NEIL3: variants seen among roughly 807,000 people sequenced by gnomAD.
NEIL3 encodes nei like DNA glycosylase 3.
Under a neutral mutation model 57.5 loss-of-function variants are expected in NEIL3, and 48 were observed. That is an observed-to-expected ratio of 0.83 (90% CI 0.66 to 1.06). NEIL3 has a LOEUF of 1.06. NEIL3 is among the 50% of genes least tolerant of loss of function. NEIL3 has a pLI of 0.00. For missense variants in NEIL3, 717 were observed against 739.1 expected (o/e 0.97, Z 0.35); for synonymous variants, 261 against 253.2 (o/e 1.03, Z -0.29).
rs1735345864 is a variant in NEIL3, at chr4:177,351,293, T to C, written c.870-87T>C. 6.7e-6 allele frequency: 5 copies of C among 747,128 alleles called. No homozygotes were observed. In the South Asian group the frequency reaches 7.3e-5, roughly 11 times the overall value. The allele number at this position is 747,128 out of a possible 1,614,324, so 46.3% of individuals were successfully genotyped here. On this transcript the variant is annotated intron_variant, in intron 6 of 9. Coordinates refer to ENST00000264596, the MANE Select transcript of NEIL3 (RefSeq NM_018248.3). ...CAATAATAAAGAGATAGCATTGGGG[T>C]ATTAATGGTTCTATAATCATTTCTA...
At chr4:177,345,583 A>G (rs979041228) in intron 6 of NEIL3, among the ~76,000 whole-genome samples, 1 of 150,386 alleles carries the variant, frequency 6.6e-6, no homozygotes, top group East Asian at 2.0e-4. Flanking sequence ...GGCGTTTCCC[A>G]TGTTGGCCAG....
chr4:177,336,976 C>T (rs893743012), intron 4 of NEIL3, among the ~76,000 whole-genome samples: 10 of 151,756 alleles, frequency 6.6e-5, no homozygotes, highest in Non-Finnish European at 1.2e-4. Context: ...TCACATAGGC[C>T]GGAGTGAAGG....
At chr4:177,333,800 A>G (rs909084206) in intron 2 of NEIL3, among the ~76,000 whole-genome samples, 1 of 152,186 alleles carries the variant, frequency 6.6e-6, no homozygotes, top group Non-Finnish European at 1.5e-5. Context: ...AAAATTGACG[A>G]ACCCAGCTTG....
chr4:177,364,294 C>T (rs1464894128), downstream of NEIL3, among the ~76,000 whole-genome samples: 1 of 152,130 alleles, frequency 6.6e-6, no homozygotes, highest in Non-Finnish European at 1.5e-5. Context: ...ATCAAAAGCA[C>T]CGCTGGAGAG....
At chr4:177,330,159 G>T (rs576904179) in intron 2 of NEIL3, among the ~76,000 whole-genome samples, 1 of 152,110 alleles carries the variant, frequency 6.6e-6, no homozygotes, top group East Asian at 1.9e-4. Context: ...TCATCTACCC[G>T]CCTTGGCCTC....
At chr4:177,370,015 A>T in the NEIL3 span, among the ~76,000 whole-genome samples, 11 of 152,278 alleles carry the variant, frequency 7.2e-5, no homozygotes, top group African/African-American at 2.4e-4. Context: ...CCTGAACTAC[A>T]CCCTACAGCA....
chr4:177,345,673 G>C (rs1367684631), intron 6 of NEIL3, among the ~76,000 whole-genome samples: 5 of 132,794 alleles, frequency 3.8e-5, no homozygotes, highest in African/African-American at 1.4e-4. Flanking sequence ...GAGCCACCAC[G>C]CCTGGCTTTT....
At chr4:177,315,787 C>CAATT (rs1297437374) in intron 1 of NEIL3, among the ~76,000 whole-genome samples, 1 of 152,088 alleles carries the variant, frequency 6.6e-6, no homozygotes, top group African/African-American at 2.4e-5. Context: ...TTGCAATGGC[C>CAATT]AATTGTAAGT....
chr4:177,310,235 T>A, intron 1 of NEIL3, 126 bp downstream of exon 1: 1 of 1,085,934 alleles, frequency 9.2e-7, no homozygotes, highest in Non-Finnish European at 1.2e-6. Context: ...GTCCCACCTT[T>A]CACAGAGTTT....
rs755729810 is a variant in NEIL3 at position 177,362,632 on chromosome 4, T to C, written c.*161T>C. On this transcript the variant is annotated 3_prime_UTR_variant, in exon 10 of 10. Transcript: ENST00000264596. ...TTTCTTGTGTGTGCCATCTTTCCAT[T>C]GTTGGCTACGTCTTTTCTTTTGCCT... 1.5e-5 allele frequency: 8 copies of C among 547,724 alleles called. No individual in the cohort carries two copies. Among genetic ancestry groups the C allele is most frequent in the Non-Finnish European group, 2.5e-5 (8 of 323,020 alleles). 33.9% of individuals were successfully genotyped at this position (547,724 alleles called of 1,614,324 possible).
the NEIL3 span, among the ~76,000 whole-genome samples, chr4:177,368,063 CCTT>C: frequency 6.6e-6 from 1 of 152,126 alleles, no homozygotes; most frequent in Non-Finnish European, 1.5e-5. Context: ...AAGCTATTCT[CCTT>C]CTCATTTATT....
intron 5 of NEIL3, among the ~76,000 whole-genome samples, chr4:177,340,808 G>A (rs1735076387): frequency 6.6e-6 from 1 of 152,044 alleles, no homozygotes; most frequent in Admixed American, 6.5e-5. Flanking sequence ...TATTTTCTTT[G>A]TAGGAGCCTT....
the NEIL3 span, among the ~76,000 whole-genome samples, chr4:177,369,416 A>T: frequency 6.6e-6 from 1 of 152,168 alleles, no homozygotes; most frequent in African/African-American, 2.4e-5. Context: ...TAAAAGAAGA[A>T]TCAATTCCCA....
chr4:177,357,914 G>A (rs935280454), intron 8 of NEIL3, among the ~76,000 whole-genome samples: 3 of 152,168 alleles, frequency 2.0e-5, no homozygotes, highest in Non-Finnish European at 4.4e-5. Context: ...AATTCTGTAT[G>A]CTACATTTAA....
the NEIL3 span, among the ~76,000 whole-genome samples, chr4:177,368,722 G>A: frequency 6.6e-6 from 1 of 152,186 alleles, no homozygotes; most frequent in Non-Finnish European, 1.5e-5. Flanking sequence ...GCAGTGAAAT[G>A]TCATTGAAAA....
chr4:177,351,572 AGTTT>A, intron 7 of NEIL3, 23 bp downstream of exon 7: 3 of 1,586,068 alleles, frequency 1.9e-6, no homozygotes, highest in Non-Finnish European at 2.6e-6. Flanking sequence ...TTTGATTTTG[AGTTT>A]GTTACATTTC....
At chr4:177,317,467 T>C (rs1734595849) in intron 1 of NEIL3, among the ~76,000 whole-genome samples, 1 of 152,186 alleles carries the variant, frequency 6.6e-6, no homozygotes. Flanking sequence ...CAGAGTTTAT[T>C]TACAAGGGAA....
intron 2 of NEIL3, among the ~76,000 whole-genome samples, chr4:177,325,380 A>G (rs1393386486): frequency 6.6e-6 from 1 of 152,082 alleles, no homozygotes; most frequent in Admixed American, 6.6e-5. Context: ...TATCAGTGGT[A>G]CTTTCTTTTC....
intron 5 of NEIL3, among the ~76,000 whole-genome samples, chr4:177,340,185 A>G (rs976584475): frequency 6.6e-6 from 1 of 152,360 alleles, no homozygotes; most frequent in Admixed American, 6.5e-5. Context: ...ACACTTTCAG[A>G]TAACCTTAGT....
Sources: gnomAD v4.1 joint callset for allele counts (sites outside exome capture counted in the v4.1 genomes callset) on GRCh38, gnomAD v4.1.1 for gene constraint, MANE v1.5 for transcripts, NCBI Gene and HGNC (gene_info 2026-07-23, HGNC 2026-07-21) for gene names.